Variants in ATP8A2 observed in about 807,000 individuals in gnomAD.
ATP8A2 encodes the protein phospholipid-transporting ATPase IB.
In ATP8A2, 100 loss-of-function variants were observed where a neutral mutation model predicts 165.6. That is an observed-to-expected ratio of 0.60 (90% CI 0.51 to 0.71). ATP8A2 has a LOEUF of 0.71. ATP8A2 is among the 30% of genes least tolerant of loss of function. The pLI is 0.00. For missense variants in ATP8A2, 1,227 were observed against 1,479.5 expected, an observed-to-expected ratio of 0.83 and a Z score of 2.80; for synonymous variants, 543 against 548.8, an observed-to-expected ratio of 0.99 and a Z score of 0.15.
In ATP8A2 at chr13:25,942,408, TG is replaced by T. The variant is rs1289146871; in HGVS notation, c.3184-19166del. Among the ~76,000 whole-genome samples, 5 of 152,342 alleles carry T rather than the reference TG, an allele frequency of 3.3e-5. No homozygotes were observed. The East Asian group carries it at 9.7e-4, about 29-fold the overall frequency. On this transcript the variant is annotated intron_variant, in intron 33 of 36. Coordinates refer to ENST00000381655, the MANE Select transcript of ATP8A2 (RefSeq NM_016529.6). ...TAGTACAAAAGTTTTCCATTGTTAA[TG>T]TAGGCAAGCTTATCGATTTTCTTTT... is the stretch of plus-strand genomic sequence containing the variant.
At chr13:25,683,691 T>A (rs1412813575) in intron 24 of ATP8A2, among the ~76,000 whole-genome samples, 3 of 131,204 alleles carry the variant, frequency 2.3e-5, no homozygotes, top group Admixed American at 7.9e-5. Context: ...CATCATTTCC[T>A]TTTTTTTTTT....
chr13:25,984,719 A>G (rs1032535123), intron 35 of ATP8A2, among the ~76,000 whole-genome samples: 2 of 152,224 alleles, frequency 1.3e-5, no homozygotes, highest in Admixed American at 1.3e-4. Flanking sequence ...TTGGGGCTGT[A>G]TTCTGTAAGC....
chr13:25,987,131 C>T (rs1361348077), intron 35 of ATP8A2, among the ~76,000 whole-genome samples: 3 of 152,132 alleles, frequency 2.0e-5, no homozygotes, highest in Non-Finnish European at 2.9e-5. Context: ...TGGGAAAGGA[C>T]GGGGAAATGT....
chr13:25,519,006 A>G (rs1039208060), intron 2 of ATP8A2, among the ~76,000 whole-genome samples: 3 of 152,212 alleles, frequency 2.0e-5, no homozygotes, highest in African/African-American at 4.8e-5. Context: ...GACAAGGCCA[A>G]TGCGTTGGCC....
rs1470808694 is a variant in ATP8A2, at chr13:26,025,334, C to G, written c.*5349C>G. The G allele has an allele frequency of 3.9e-5, 6 of 152,232 alleles. No individual in the cohort carries two copies. The highest frequency in any genetic ancestry group is 1.4e-4 in the African/African-American group (6 of 41,466). 9.4% of individuals were successfully genotyped at this position (152,232 alleles called of 1,614,324 possible). On this transcript the variant is annotated 3_prime_UTR_variant, in exon 37 of 37. Transcript: ENST00000381655. ...CAATGCCGCTTCCCTCTGAGCCTCC[C>G]TCTCAAGGGCCACGCAGGCAGCTGC...
intron 1 of ATP8A2, among the ~76,000 whole-genome samples, chr13:25,377,448 G>A (rs2032673603): frequency 6.6e-6 from 1 of 152,200 alleles, no homozygotes; most frequent in South Asian, 2.1e-4. Flanking sequence ...AGAGTAAGGA[G>A]TGGGGACCTG....
chr13:25,998,019 T>C lies in ATP8A2; in HGVS notation c.3378-14512T>C, dbSNP rs569274165. Among the ~76,000 whole-genome samples the C allele has an allele frequency of 5.9e-5, 9 of 152,320 alleles. No individual in the cohort carries two copies. The South Asian group carries it at 1.7e-3, about 28-fold the overall frequency. ...AAATGAAACCTGGACATTTTGGCTA[T>C]TATGCTATGGACTCTGGATTTCATG... On this transcript the variant is annotated intron_variant, in intron 35 of 36. Coordinates refer to ENST00000381655, the MANE Select transcript of ATP8A2 (RefSeq NM_016529.6).
chr13:25,909,329 C>T (rs937748014), intron 33 of ATP8A2, among the ~76,000 whole-genome samples: 8 of 152,126 alleles, frequency 5.3e-5, no homozygotes, highest in Non-Finnish European at 2.9e-5. Context: ...TGAATGTGCT[C>T]ATTAGACTTA....
intron 30 of ATP8A2, among the ~76,000 whole-genome samples, chr13:25,848,579 A>G (rs949246916): frequency 6.6e-6 from 1 of 152,192 alleles, no homozygotes; most frequent in African/African-American, 2.4e-5. Context: ...GAAAAAAGAG[A>G]AAGATTGAAA....
At chr13:25,786,798 C>T (rs544217027) in intron 27 of ATP8A2, among the ~76,000 whole-genome samples, 1 of 147,666 alleles carries the variant, frequency 6.8e-6, no homozygotes, top group African/African-American at 2.5e-5. Context: ...CTCTGGTTGC[C>T]CAGGCTGGAG....
intron 24 of ATP8A2, among the ~76,000 whole-genome samples, chr13:25,682,125 T>C (rs9319234): frequency 0.91 from 138,069 of 152,084 alleles, 62,775 homozygotes; most frequent in South Asian, 0.94. Context: ...AAAAACCCCG[T>C]GATCACCATT....
chr13:25,560,124 G>A (rs187961264), intron 15 of ATP8A2, among the ~76,000 whole-genome samples: 6 of 152,210 alleles, frequency 3.9e-5, no homozygotes, highest in Non-Finnish European at 8.8e-5. Context: ...AACCAGGCTC[G>A]CCCTGGAGTA....
At chr13:25,745,956 T>A (rs904812644) in intron 25 of ATP8A2, among the ~76,000 whole-genome samples, 2 of 152,204 alleles carry the variant, frequency 1.3e-5, no homozygotes, top group African/African-American at 4.8e-5. Flanking sequence ...GCTGACTACA[T>A]CCTATCATGT....
At chr13:25,493,722 C>T (rs1041705725) in intron 2 of ATP8A2, among the ~76,000 whole-genome samples, 1 of 152,024 alleles carries the variant, frequency 6.6e-6, no homozygotes, top group Non-Finnish European at 1.5e-5. Context: ...CTAATTTCAG[C>T]CATACATGGA....
intron 1 of ATP8A2, among the ~76,000 whole-genome samples, chr13:25,455,382 T>A (rs2035338623): frequency 6.6e-6 from 1 of 152,252 alleles, no homozygotes; most frequent in Admixed American, 6.5e-5. Context: ...TCTGTAATAC[T>A]TGGCTCATTT....
chr13:25,693,106 A>G (rs2042760992), intron 24 of ATP8A2, among the ~76,000 whole-genome samples: 1 of 152,214 alleles, frequency 6.6e-6, no homozygotes, highest in Non-Finnish European at 1.5e-5. Context: ...AAGAGACTGT[A>G]GTATAAATTT....
At chr13:25,917,884 C>T (rs940244453) in intron 33 of ATP8A2, among the ~76,000 whole-genome samples, 2 of 152,168 alleles carry the variant, frequency 1.3e-5, no homozygotes, top group African/African-American at 2.4e-5. Context: ...AGATGTATCA[C>T]AGCCATGGAC....
intron 1 of ATP8A2, among the ~76,000 whole-genome samples, chr13:25,465,532 G>T (rs924621916): frequency 1.0e-4 from 15 of 146,928 alleles, no homozygotes; most frequent in Non-Finnish European, 1.8e-4. Flanking sequence ...GTTTGGAAAA[G>T]TTATTGTTCC....
intron 24 of ATP8A2, among the ~76,000 whole-genome samples, chr13:25,676,715 C>G (rs2042380148): frequency 6.6e-6 from 1 of 152,114 alleles, no homozygotes; most frequent in African/African-American, 2.4e-5. Context: ...CTTCTGGAAA[C>G]TGTTTTTGTG....
Sources: allele counts gnomAD v4.1 joint callset (sites outside exome capture counted in the v4.1 genomes callset), GRCh38; gene constraint gnomAD v4.1.1; transcripts MANE v1.5; gene names NCBI Gene and HGNC (gene_info 2026-07-23, HGNC 2026-07-21).